The following SMCHD1 variants were observed in gnomAD, a reference collection of about 807,000 sequenced individuals.
The protein encoded by SMCHD1 is structural maintenance of chromosomes flexible hinge domain-containing protein 1.
A neutral mutation model predicts 254.7 loss-of-function variants in SMCHD1; 78 were observed. That is an observed-to-expected ratio of 0.31 (90% CI 0.26 to 0.37). The LOEUF is 0.37. Among genes scored for constraint, SMCHD1 ranks in the 10% least tolerant of loss-of-function variants. SMCHD1 has a pLI of 1.00. For missense variants in SMCHD1, 1,840 were observed against 2,408.1 expected (o/e 0.76, Z 4.94); for synonymous variants, 766 against 794.9 (o/e 0.96, Z 0.61).
At chr18:2,677,688 G>A (rs539896854) in intron 5 of SMCHD1, among the ~76,000 whole-genome samples, 25 of 152,190 alleles carry the variant, frequency 1.6e-4, no homozygotes, top group South Asian at 8.3e-4. Context: ...GTGTAGTGGT[G>A]CTATCTTGGC....
At chr18:2,750,552 T>C in intron 32 of SMCHD1, 45 bp downstream of exon 32, 1 of 1,491,930 alleles carries the variant, frequency 6.7e-7, no homozygotes, top group Non-Finnish European at 9.1e-7. Context: ...GATAATTTGC[T>C]TTGTACATTA....
intron 25 of SMCHD1, among the ~76,000 whole-genome samples, chr18:2,735,816 A>T (rs2075237633): frequency 6.6e-6 from 1 of 152,216 alleles, no homozygotes; most frequent in Non-Finnish European, 1.5e-5. Flanking sequence ...CCTGAGTCAG[A>T]AGAACTAGTA....
intron 45 of SMCHD1, among the ~76,000 whole-genome samples, chr18:2,791,490 G>A (rs1373904328): frequency 6.6e-6 from 1 of 152,220 alleles, no homozygotes; most frequent in Admixed American, 6.5e-5. Flanking sequence ...GTTGCTGTGA[G>A]CCGTGATTGA....
intron 5 of SMCHD1, among the ~76,000 whole-genome samples, chr18:2,688,047 T>G (rs1568142628): frequency 6.6e-6 from 1 of 152,232 alleles, no homozygotes; most frequent in African/African-American, 2.4e-5. Flanking sequence ...AGACAATATT[T>G]TAGCAAGTTT....
chr18:2,681,586 CAAAAA>C (rs11338546), intron 5 of SMCHD1, among the ~76,000 whole-genome samples: 3 of 95,908 alleles, frequency 3.1e-5, no homozygotes, highest in African/African-American at 8.1e-5. Context: ...TCCTATCTCT[CAAAAA>C]AAAAAAAAAA....
intron 7 of SMCHD1, among the ~76,000 whole-genome samples, chr18:2,693,906 C>T (rs966285191): frequency 7.2e-5 from 11 of 152,150 alleles, no homozygotes; most frequent in Admixed American, 1.3e-4. Flanking sequence ...GCTGGGATTA[C>T]GGGAGTGAGC....
chr18:2,768,627 C>T (rs1018319333), intron 37 of SMCHD1, among the ~76,000 whole-genome samples: 1 of 119,350 alleles, frequency 8.4e-6, no homozygotes, highest in Non-Finnish European at 1.9e-5. Context: ...ATATACTATA[C>T]TACTAGTATA....
rs1437841137 is a variant in SMCHD1, at chr18:2,804,588, C to A, written c.*2036C>A. The A allele has an allele frequency of 6.6e-6, 1 of 152,108 alleles. No homozygotes were observed. The highest frequency in any genetic ancestry group is 6.6e-5 in the Admixed American group (1 of 15,266). 9.4% of individuals were successfully genotyped at this position (152,108 alleles called of 1,614,324 possible). ...TCCATTTTTGTGGAGTTTTTCTACC[C>A]TGTAAAAATTAACTTTGTGGTTCCC... is the stretch of plus-strand genomic sequence containing the variant. On this transcript the variant is annotated 3_prime_UTR_variant, in exon 48 of 48. Coordinates refer to ENST00000320876, the MANE Select transcript of SMCHD1 (RefSeq NM_015295.3).
chr18:2,708,613 C>A (rs1318356513), intron 17 of SMCHD1, among the ~76,000 whole-genome samples: 1 of 28,238 alleles, frequency 3.5e-5, no homozygotes, highest in African/African-American at 9.3e-5. Context: ...TCATGACCTT[C>A]CTGCTTTTTT....
chr18:2,748,362 GTGTGTGTGTGTGTGTGTGTGTATA>G (rs2075500356), intron 30 of SMCHD1, among the ~76,000 whole-genome samples: 1 of 30,598 alleles, frequency 3.3e-5, no homozygotes, highest in Non-Finnish European at 7.7e-5. Flanking sequence ...GTGTGTGTGT[GTGTGTGTGTGTGTGTGTGTGTATA>G]TAAATTTTTT....
chr18:2,733,692 A>C (rs1276807870), intron 25 of SMCHD1, among the ~76,000 whole-genome samples: 4 of 152,228 alleles, frequency 2.6e-5, no homozygotes, highest in Non-Finnish European at 2.9e-5. Context: ...TTGTTTACTG[A>C]TAGTTGTATT....
At chr18:2,787,399 T>C (rs2076256765) in intron 45 of SMCHD1, among the ~76,000 whole-genome samples, 1 of 152,164 alleles carries the variant, frequency 6.6e-6, no homozygotes, top group Non-Finnish European at 1.5e-5. Flanking sequence ...TAGCAGGTAA[T>C]TTCCATTTGG....
chr18:2,660,791 T>C (rs933881673), intron 1 of SMCHD1, among the ~76,000 whole-genome samples: 1 of 152,134 alleles, frequency 6.6e-6, no homozygotes, highest in Non-Finnish European at 1.5e-5. Context: ...AATCCATGGA[T>C]ATTTAATATG....
chr18:2,692,577 C>G (rs1057350584), intron 7 of SMCHD1, among the ~76,000 whole-genome samples: 2 of 152,172 alleles, frequency 1.3e-5, no homozygotes, highest in Admixed American at 1.3e-4. Context: ...CTCTTCCACC[C>G]ACTTTCCACT....
chr18:2,732,614 A>G lies in SMCHD1; in HGVS notation c.3276+122A>G, dbSNP rs372798056. On this transcript the variant is annotated intron_variant, in intron 25 of 47. Coordinates refer to ENST00000320876, the MANE Select transcript of SMCHD1 (RefSeq NM_015295.3). ...AAGCTTGTCACAGAAAAGTTATACT[A>G]TCATTTCAAATTGTAAGCAGAATAA... is the stretch of plus-strand genomic sequence containing the variant. 4.6e-5 allele frequency: 28 copies of G among 610,482 alleles called. No individual in the cohort carries two copies. The South Asian group carries it at 5.8e-4, about 13-fold the overall frequency. The allele number at this position is 610,482 out of a possible 1,614,324, so 37.8% of individuals were successfully genotyped here.
chr18:2,667,444 C>T (rs1435087556), intron 3 of SMCHD1, among the ~76,000 whole-genome samples: 1 of 152,178 alleles, frequency 6.6e-6, no homozygotes, highest in Non-Finnish European at 1.5e-5. Context: ...TTTATCATTT[C>T]TTTCTACCTT....
intron 22 of SMCHD1, among the ~76,000 whole-genome samples, chr18:2,727,448 T>G (rs1304106884): frequency 1.3e-5 from 2 of 152,134 alleles, no homozygotes; most frequent in Non-Finnish European, 2.9e-5. Flanking sequence ...AAAAAAATCA[T>G]ACGTATCAAC....
chr18:2,709,804 C>T (rs1333800881), intron 17 of SMCHD1, among the ~76,000 whole-genome samples: 1 of 152,134 alleles, frequency 6.6e-6, no homozygotes, highest in Non-Finnish European at 1.5e-5. Flanking sequence ...ATATTAATCC[C>T]TTATCAGATA....
intron 5 of SMCHD1, among the ~76,000 whole-genome samples, chr18:2,677,908 C>T (rs2143868320): frequency 6.6e-6 from 1 of 152,226 alleles, no homozygotes; most frequent in East Asian, 1.9e-4. Context: ...AGTGAGCCAC[C>T]GCATCTGGCC....
Sources: allele counts gnomAD v4.1 joint callset (sites outside exome capture counted in the v4.1 genomes callset), GRCh38; gene constraint gnomAD v4.1.1; transcripts MANE v1.5; gene names NCBI Gene and HGNC (gene_info 2026-07-23, HGNC 2026-07-21).